Variants in PRKAR1A observed in about 807,000 individuals in gnomAD.
PRKAR1A encodes cAMP-dependent protein kinase type I-alpha regulatory subunit.
In PRKAR1A, 3 loss-of-function variants were observed where a neutral mutation model predicts 52.0. The observed-to-expected ratio is 0.06, with a 90% CI of 0.03 to 0.15. The LOEUF (loss-of-function observed/expected upper bound fraction) is 0.15, where lower values mean the gene tolerates loss of function less well. Ranked by LOEUF, PRKAR1A falls within the 10% of genes least tolerant of loss-of-function variation. The probability of loss-of-function intolerance (pLI) is 1.00; values close to 1 mark genes in which losing one functional copy is unlikely to be tolerated. For synonymous variants in PRKAR1A, 188 were observed against 168.4 expected (o/e 1.12, Z -0.90); for missense variants, 240 against 477.4 (o/e 0.50, Z 4.63).
the PRKAR1A span, among the ~76,000 whole-genome samples, chr17:68,417,543 C>T: frequency 6.6e-6 from 1 of 151,770 alleles, no homozygotes; most frequent in African/African-American, 2.4e-5. Context: ...CACTGAGCCT[C>T]CAGCAATTTG....
rs779238467 is a variant in PRKAR1A at position 68,533,236 on chromosome 17, TGA to T, written c.*2788_*2789del. 17 of 1,060,850 alleles carry T rather than the reference TGA, an allele frequency of 1.6e-5. No individual in the cohort carries two copies. The highest frequency in any genetic ancestry group is 1.8e-5 in the Non-Finnish European group (16 of 875,558). The allele number at this position is 1,060,850 out of a possible 1,614,324, so 65.7% of individuals were successfully genotyped here. A position where few individuals can be genotyped will look rare whatever the true frequency, so the allele number is the denominator to read the frequency against. On this transcript the variant is annotated 3_prime_UTR_variant, in exon 11 of 11. Coordinates refer to ENST00000589228, the MANE Select transcript of PRKAR1A (RefSeq NM_002734.5). The stretch of plus-strand genomic sequence containing the variant: ...GCTCTTAGATTTCTGAGGAGTGAGA[TGA>T]TTAAGTTGTATTCATTAGTGTATTG...
chr17:68,427,724 T>C, the PRKAR1A span, among the ~76,000 whole-genome samples: 6 of 152,144 alleles, frequency 3.9e-5, no homozygotes, highest in Admixed American at 2.0e-4. Flanking sequence ...TTCTCTTACA[T>C]TGGCTAGACA....
the PRKAR1A span, among the ~76,000 whole-genome samples, chr17:68,486,876 G>T: frequency 1.5e-5 from 2 of 131,054 alleles, no homozygotes; most frequent in Admixed American, 1.5e-4. Flanking sequence ...GATGTTGTGC[G>T]GATTTTTTTT....
At chr17:68,460,315 G>A in the PRKAR1A span, among the ~76,000 whole-genome samples, 2 of 152,170 alleles carry the variant, frequency 1.3e-5, no homozygotes, top group African/African-American at 4.8e-5. Flanking sequence ...GGGAAGAAGA[G>A]GGAAGAGTCA....
At chr17:68,417,888 G>A in the PRKAR1A span, among the ~76,000 whole-genome samples, 1 of 151,308 alleles carries the variant, frequency 6.6e-6, no homozygotes. Flanking sequence ...CCACCACCAT[G>A]CCCAGATAAT....
At chr17:68,479,535 T>C in the PRKAR1A span, among the ~76,000 whole-genome samples, 3 of 152,330 alleles carry the variant, frequency 2.0e-5, no homozygotes, top group East Asian at 3.9e-4. Flanking sequence ...GGGGTTTTCA[T>C]TGAGAATATG....
the PRKAR1A span, chr17:68,421,292 GATTTT>G: frequency 6.3e-6 from 1 of 157,592 alleles, no homozygotes; most frequent in African/African-American, 2.4e-5. Context: ...GCATTGCCAT[GATTTT>G]ATTATTAGTG....
chr17:68,433,780 T>TTTTTTTTTTTTTTTTTTTTTTTTTTTG, the PRKAR1A span, among the ~76,000 whole-genome samples: 1 of 126,016 alleles, frequency 7.9e-6, no homozygotes, highest in African/African-American at 3.2e-5. Context: ...TTTTTTTTTT[T>TTTTTTTTTTTTTTTTTTTTTTTTTTTG]TTTTTTTTTT....
downstream of PRKAR1A, among the ~76,000 whole-genome samples, chr17:68,534,777 A>C (rs192490049): frequency 6.6e-6 from 1 of 152,286 alleles, no homozygotes; most frequent in East Asian, 1.9e-4. Flanking sequence ...ATCAGTATAT[A>C]TTAAATAAAG....
the PRKAR1A span, among the ~76,000 whole-genome samples, chr17:68,489,237 A>ATATATATATATATATGGAAAG: frequency 6.6e-5 from 1 of 15,178 alleles, no homozygotes; most frequent in African/African-American, 3.5e-4. Context: ...TATGGAAAGT[A>ATATATATATATATATGGAAAG]TATATATATA....
At chr17:68,426,241 GT>G in the PRKAR1A span, 9 of 1,107,538 alleles carry the variant, frequency 8.1e-6, no homozygotes, top group South Asian at 1.2e-5. Context: ...GACCTGGCGG[GT>G]GGGGAGCGGG....
chr17:68,431,763 C>T, the PRKAR1A span, among the ~76,000 whole-genome samples: 797 of 117,456 alleles, frequency 6.8e-3, 9 homozygotes, highest in South Asian at 0.014. Context: ...TATGAACACC[C>T]GTGGACAGGT....
At chr17:68,429,988 G>T in the PRKAR1A span, 1 of 1,614,096 alleles carries the variant, frequency 6.2e-7, no homozygotes, top group African/African-American at 1.3e-5. Flanking sequence ...GGGTGTCATT[G>T]TACGTACGTT....
the PRKAR1A span, among the ~76,000 whole-genome samples, chr17:68,478,970 C>T: frequency 6.0e-4 from 92 of 152,298 alleles, 1 homozygote; most frequent in East Asian, 0.015. Context: ...TCAGGCCATC[C>T]GCCCACCTTG....
the PRKAR1A span, chr17:68,425,979 G>A: frequency 1.1e-6 from 1 of 935,598 alleles, no homozygotes; most frequent in Non-Finnish European, 1.7e-6. Flanking sequence ...TTATAGATTA[G>A]AAAACAGGGA....
At position 68,533,172 on chromosome 17, in the gene PRKAR1A, GCATATATAAAGCCT is replaced by G. The variant is rs542981389; in HGVS notation, c.*2738_*2751del. ...TTACTTAGGGATACTTTTATATTTT[GCATATATAAAGCCT>G]CATATATAAAGCCTTATTTCTGATG... On this transcript the variant is annotated 3_prime_UTR_variant, in exon 11 of 11. Transcript: ENST00000589228. 3,345 of 1,056,440 alleles carry G rather than the reference GCATATATAAAGCCT, an allele frequency of 3.2e-3. 4 individuals are homozygous for G. The highest frequency in any genetic ancestry group is 4.1e-3 in the Admixed American group (76 of 18,696). 65.4% of individuals were successfully genotyped at this position (1,056,440 alleles called of 1,614,324 possible). A position where few individuals can be genotyped will look rare whatever the true frequency, so the allele number is the denominator to read the frequency against.
chr17:68,453,804 G>A, the PRKAR1A span, among the ~76,000 whole-genome samples: 3 of 152,216 alleles, frequency 2.0e-5, no homozygotes, highest in African/African-American at 4.8e-5. Flanking sequence ...GGCATAGTAG[G>A]TCATTAGTAG....
At chr17:68,420,596 A>G in the PRKAR1A span, 7 of 1,075,966 alleles carry the variant, frequency 6.5e-6, no homozygotes, top group Admixed American at 1.1e-4. Flanking sequence ...TTAGCCTTGC[A>G]TATCCCTTCT....
intron 2 of PRKAR1A, among the ~76,000 whole-genome samples, chr17:68,521,432 T>C (rs2085605287): frequency 6.6e-6 from 1 of 152,204 alleles, no homozygotes; most frequent in South Asian, 2.1e-4. Flanking sequence ...GGTTTTACAA[T>C]GTTGCCTAGG....
Sources: allele counts gnomAD v4.1 joint callset (sites outside exome capture counted in the v4.1 genomes callset), GRCh38; gene constraint gnomAD v4.1.1; transcripts MANE v1.5; gene names NCBI Gene and HGNC (gene_info 2026-07-23, HGNC 2026-07-21).